The following RSF1 variants were observed in gnomAD, a reference collection of about 807,000 sequenced individuals.
RSF1 encodes remodeling and spacing factor 1.
In RSF1, 13 loss-of-function variants were observed where a neutral mutation model predicts 145.2. The ratio of observed to expected loss-of-function variants is 0.09; its 90% confidence interval spans 0.06 to 0.14. The LOEUF (loss-of-function observed/expected upper bound fraction) is 0.14, where lower values mean the gene tolerates loss of function less well. RSF1 is among the 10% of genes least tolerant of loss of function. The pLI is 1.00. For synonymous variants in RSF1, 577 were observed against 592.6 expected (o/e 0.97, Z 0.38); for missense variants, 1,517 against 1,718.2 (o/e 0.88, Z 2.07).
At position 77,702,338 on chromosome 11, in the gene RSF1, T is replaced by C. The variant is rs1330283680; in HGVS notation, c.891A>G (p.Lys297=). The C allele has an allele frequency of 6.2e-7, 1 of 1,610,844 alleles. No individual in the cohort carries two copies. Among genetic ancestry groups the C allele is most frequent in the East Asian group, 2.2e-5 (1 of 44,856 alleles). Residue 297 remains lysine, a synonymous_variant, in exon 6 of 16, where the codon AAA becomes AAG. Coordinates refer to ENST00000308488, the MANE Select transcript of RSF1 (RefSeq NM_016578.4). ...TTTTTTCTTCATTTTCTGGCAAAGG[T>C]TTTTCTAGCTTCACTATGACTGGCA... The part of the protein sequence containing the change: ...VKLPVIVKLE[K]PLPENEEKKI...
At chr11:77,837,540 C>T in the RSF1 span, among the ~76,000 whole-genome samples, 1 of 151,966 alleles carries the variant, frequency 6.6e-6, no homozygotes, top group Non-Finnish European at 1.5e-5. Context: ...TTGTTACCTC[C>T]ACCTCCTGCC....
chr11:77,786,526 G>C (rs1265228677), intron 1 of RSF1, among the ~76,000 whole-genome samples: 1 of 152,078 alleles, frequency 6.6e-6, no homozygotes, highest in Non-Finnish European at 1.5e-5. Context: ...ATTATGATCT[G>C]TTGTTGAGAC....
rs1459608401 is a variant in RSF1 at position 77,664,859 on chromosome 11, T to G, written c.*2058A>C. 1.3e-5 allele frequency: 2 copies of G among 152,246 alleles called. No individual in the cohort carries two copies. The highest frequency in any genetic ancestry group is 2.9e-5 in the Non-Finnish European group (2 of 68,048). 9.4% of individuals were successfully genotyped at this position (152,246 alleles called of 1,614,324 possible). A position where few individuals can be genotyped will look rare whatever the true frequency, so the allele number is the denominator to read the frequency against. On this transcript the variant is annotated 3_prime_UTR_variant, in exon 16 of 16. Coordinates refer to ENST00000308488, the MANE Select transcript of RSF1 (RefSeq NM_016578.4). ...CTCCTTACACAGCCCTGCTTTACTG[T>G]CTGTGAATGTAAGCCCTTCCCTCCC... is the stretch of plus-strand genomic sequence containing the variant.
chr11:77,838,184 G>A, the RSF1 span, among the ~76,000 whole-genome samples: 1 of 151,988 alleles, frequency 6.6e-6, no homozygotes, highest in East Asian at 1.9e-4. Context: ...TGGTTAAGGA[G>A]ACACATATAG....
Position 77,702,024 on chromosome 11 carries a change from G to T in RSF1, c.1205C>A (p.Pro402His). The change falls in exon 6 of 16, where the codon CCT becomes CAT. Residue 402 changes from proline to histidine, a missense_variant. Around this residue, in one of 12 missense-constraint regions of RSF1, gnomAD observed 579 missense variants for 553.5 expected, o/e 1.05. Coordinates refer to ENST00000308488, the MANE Select transcript of RSF1 (RefSeq NM_016578.4). ...TGTTGGAGTAACTGATTTACACAAA[G>T]GTCCCTTGACTGGACTGTCAAAATC... is the stretch of plus-strand genomic sequence containing the variant. ...SDDFDSPVKG[P>H]LCKSVTPTKE... 6.2e-7 allele frequency: 1 copy of T among 1,613,846 alleles called. No individual in the cohort carries two copies. The highest frequency in any genetic ancestry group is 8.5e-7 in the Non-Finnish European group (1 of 1,179,904).
At position 77,672,228 on chromosome 11, in the gene RSF1, T is replaced by G; in HGVS notation, c.3565A>C (p.Ser1189Arg). Residue 1189 changes from serine to arginine, a missense_variant and splice_region_variant, in exon 15 of 16, where the codon AGT becomes CGT. Around this residue, in one of 12 missense-constraint regions of RSF1, gnomAD observed 231 missense variants for 276.6 expected, o/e 0.84. Transcript: ENST00000308488. ...TCACTAAAATCATCACTGAAGTCAC[T>G]TTCTATTTTAAAAAAAGGAAGAACA... Reference protein sequence around the residue: ...ESEENSRDSESDFSDDFSDDF... With the variant: ...ESEENSRDSERDFSDDFSDDF... 6.3e-7 allele frequency: 1 copy of G among 1,582,082 alleles called. No individual in the cohort carries two copies. Among genetic ancestry groups the G allele is most frequent in the Non-Finnish European group, 8.6e-7 (1 of 1,169,522 alleles).
Position 77,818,378 on chromosome 11 carries a change from T to C in RSF1, c.187+2150A>G, listed in dbSNP as rs1948801999. Among the ~76,000 whole-genome samples, 4 of 152,208 alleles carry C rather than the reference T, an allele frequency of 2.6e-5. No homozygotes were observed. The South Asian group carries it at 8.3e-4, about 31-fold the overall frequency. On this transcript the variant is annotated intron_variant, in intron 1 of 15. Transcript: ENST00000308488. ...TACCAAAACAATTTACTAGCCATCC[T>C]TTCCCCAAATGCCCACAGTTCGTTC...
At chr11:77,693,418 G>A (rs1476984674) in intron 8 of RSF1, 89 bp downstream of exon 8, 2 of 781,376 alleles carry the variant, frequency 2.6e-6, no homozygotes, top group East Asian at 2.6e-5. Flanking sequence ...TTGCTTTGAA[G>A]GTTAAAAATA....
At chr11:77,729,701 G>A (rs1441747260) in intron 4 of RSF1, among the ~76,000 whole-genome samples, 1 of 151,534 alleles carries the variant, frequency 6.6e-6, no homozygotes, top group Non-Finnish European at 1.5e-5. Context: ...TTGTGACTCT[G>A]TATTATGTAA....
chr11:77,701,903 T>C lies in RSF1; in HGVS notation c.1326A>G (p.Val442=). The change falls in exon 6 of 16, where the codon GTA becomes GTG. Residue 442 remains valine (V), a synonymous_variant. Coordinates refer to ENST00000308488, the MANE Select transcript of RSF1 (RefSeq NM_016578.4). ...TALGHEGKQL[V]NGEVSDERVA... is the part of the protein sequence containing the mutation. Reference sequence around the variant, plus strand: ...CCCTTTCATCACTAACTTCTCCATTTACCAGCTGTTTCCCTTCATGACCCA... The same window carrying C: ...CCCTTTCATCACTAACTTCTCCATTCACCAGCTGTTTCCCTTCATGACCCA... 1.2e-6 allele frequency: 2 copies of C among 1,613,944 alleles called. No homozygotes were observed. The highest frequency in any genetic ancestry group is 1.7e-6 in the Non-Finnish European group (2 of 1,179,946).
intron 1 of RSF1, among the ~76,000 whole-genome samples, chr11:77,788,116 T>C (rs1049769952): frequency 2.0e-5 from 2 of 102,144 alleles, no homozygotes; most frequent in Admixed American, 3.1e-4. Context: ...TAGTCTAACC[T>C]GGGCAACCAG....
intron 2 of RSF1, among the ~76,000 whole-genome samples, chr11:77,750,089 C>G (rs1018512948): frequency 6.6e-6 from 1 of 151,422 alleles, no homozygotes; most frequent in South Asian, 2.1e-4. Flanking sequence ...ACTGCTGTGC[C>G]ATTTGATGTT....
chr11:77,854,520 A>C, the RSF1 span, among the ~76,000 whole-genome samples: 2 of 152,254 alleles, frequency 1.3e-5, no homozygotes, highest in Admixed American at 6.5e-5. Context: ...GAAACCCAGC[A>C]GGGCAGTAAT....
In RSF1 at chr11:77,660,054, G is replaced by T. The variant is rs1365292838; in HGVS notation, c.*6863C>A. The T allele has an allele frequency of 1.3e-5, 2 of 152,210 alleles. No homozygotes were observed. The highest frequency in any genetic ancestry group is 1.9e-4 in the East Asian group (1 of 5,190). The allele number at this position is 152,210 out of a possible 1,614,324, so 9.4% of individuals were successfully genotyped here. A position where few individuals can be genotyped will look rare whatever the true frequency, so the allele number is the denominator to read the frequency against. On this transcript the variant is annotated 3_prime_UTR_variant, in exon 16 of 16. Transcript: ENST00000308488. ...ATGACAATTGACATATTAAGTGAAA[G>T]AAATGACAGAAGTATTATAATAAAA... is the stretch of plus-strand genomic sequence containing the variant.
At chr11:77,865,331 G>A in the RSF1 span, among the ~76,000 whole-genome samples, 1 of 152,172 alleles carries the variant, frequency 6.6e-6, no homozygotes, top group African/African-American at 2.4e-5. Context: ...TGGTAGGGTG[G>A]GAGAGATGTG....
At chr11:77,745,205 T>C (rs1444367878) in intron 3 of RSF1, among the ~76,000 whole-genome samples, 2 of 152,110 alleles carry the variant, frequency 1.3e-5, no homozygotes, top group Non-Finnish European at 2.9e-5. Context: ...GTTTTGTTTA[T>C]CTTCTCAAAA....
chr11:77,667,039 C>T lies in RSF1; in HGVS notation c.4204G>A (p.Ala1402Thr), dbSNP rs928234973. The change falls in exon 16 of 16, where the codon GCA becomes ACA. Residue 1402 changes from alanine (A) to threonine (T), a missense_variant. Ala to Thr is a moderately conservative substitution (Grantham distance 58). Around this residue, in one of 12 missense-constraint regions of RSF1, gnomAD observed 240 missense variants for 231.8 expected, o/e 1.04. Transcript: ENST00000308488. ...QTPKDNSTASASLASNGTSGG... is the reference protein window; with the variant it reads ...QTPKDNSTASTSLASNGTSGG... ...CTTGTCCCATTGGAGGCTAGGCTTG[C>T]ACTGGCTGTGCTGTTGTCCTTGGGG... is the stretch of plus-strand genomic sequence containing the variant. 2 of 1,613,952 alleles carry T rather than the reference C, an allele frequency of 1.2e-6. No homozygotes were observed. The highest frequency in any genetic ancestry group is 3.3e-5 in the Admixed American group (2 of 60,012).
At chr11:77,687,916 T>G (rs1960053124) in intron 9 of RSF1, among the ~76,000 whole-genome samples, 1 of 152,214 alleles carries the variant, frequency 6.6e-6, no homozygotes, top group South Asian at 2.1e-4. Flanking sequence ...TTTACACATA[T>G]AAATGGTATA....
At chr11:77,667,553 T>C in intron 15 of RSF1, 62 bp from the exon 16 acceptor site, 1 of 1,429,576 alleles carries the variant, frequency 7.0e-7, no homozygotes, top group Non-Finnish European at 9.5e-7. Context: ...TTAATTCTCC[T>C]TTTCCTCCCG....
Sources: allele counts gnomAD v4.1 joint callset (sites outside exome capture counted in the v4.1 genomes callset), GRCh38; gene constraint gnomAD v4.1.1; regional missense constraint gnomAD v4.1.1; transcripts MANE v1.5; gene names NCBI Gene and HGNC (gene_info 2026-07-23, HGNC 2026-07-21).